Variants in MEI4 observed in about 807,000 individuals in gnomAD.
The protein encoded by MEI4 is meiosis-specific protein MEI4.
MEI4 carries 27 observed loss-of-function variants against 31.4 expected under a neutral mutation model. The observed-to-expected ratio is 0.86, with a 90% CI of 0.63 to 1.19. The LOEUF is 1.19. Ranked by LOEUF, MEI4 falls within the 50% of genes most tolerant of loss-of-function variation. The probability of loss-of-function intolerance (pLI) is 0.00; values close to 1 mark genes in which losing one functional copy is unlikely to be tolerated. For synonymous variants in MEI4, 122 were observed against 145.4 expected, an observed-to-expected ratio of 0.84 and a Z score of 1.16; for missense variants, 329 against 398.9, an observed-to-expected ratio of 0.82 and a Z score of 1.49.
intron 2 of MEI4, among the ~76,000 whole-genome samples, chr6:77,732,490 C>G (rs1286624344): frequency 3.3e-5 from 5 of 152,034 alleles, no homozygotes; most frequent in African/African-American, 1.2e-4. Context: ...TATCCTGAGA[C>G]TTTGCTGAAG....
At chr6:77,898,129 C>T (rs1301066995) in intron 4 of MEI4, among the ~76,000 whole-genome samples, 1 of 152,016 alleles carries the variant, frequency 6.6e-6, no homozygotes, top group East Asian at 1.9e-4. Context: ...CATTGGGCTC[C>T]TAGCTAAGCC....
Position 77,792,735 on chromosome 6 carries a change from C to T in MEI4, c.768+31070C>T, listed in dbSNP as rs529974433. On this transcript the variant is annotated intron_variant, in intron 3 of 4. Coordinates refer to ENST00000684080, the MANE Select transcript of MEI4 (RefSeq NM_001322247.2). ...CAACACTATTTTTTTTTTTTTTAGACGGAGTCTCGCTCTATTGCACAGGCT... is the reference window on the plus strand; with the variant it reads ...CAACACTATTTTTTTTTTTTTTAGATGGAGTCTCGCTCTATTGCACAGGCT... 1.5e-3 allele frequency among the ~76,000 whole-genome samples: 230 copies of T among 148,770 alleles called. 1 individual carries two copies. Among genetic ancestry groups the T allele is most frequent in the African/African-American group, 4.6e-3 (186 of 40,468 alleles).
At chr6:77,716,068 A>G (rs1418350462) in intron 2 of MEI4, among the ~76,000 whole-genome samples, 3 of 152,278 alleles carry the variant, frequency 2.0e-5, no homozygotes, top group East Asian at 3.9e-4. Flanking sequence ...ATTTCTGAGC[A>G]CTCACCTTGT....
At chr6:77,837,150 G>A (rs963344272) in intron 4 of MEI4, among the ~76,000 whole-genome samples, 6 of 152,024 alleles carry the variant, frequency 3.9e-5, no homozygotes, top group African/African-American at 9.7e-5. Flanking sequence ...AGCTGGCAAC[G>A]AAGATAAAAG....
rs530555312 is a variant in MEI4, at chr6:77,769,833, A to G, written c.768+8168A>G. 3.9e-5 allele frequency among the ~76,000 whole-genome samples: 6 copies of G among 152,064 alleles called. No individual in the cohort carries two copies. In the South Asian group the frequency reaches 1.0e-3, roughly 26 times the overall value. Reference sequence around the variant, plus strand: ...TGAATAAACAGCCCTTGGGCCCTGAATAATTAGTATTGGTAGCCAGGCAGT... The same window carrying G: ...TGAATAAACAGCCCTTGGGCCCTGAGTAATTAGTATTGGTAGCCAGGCAGT... On this transcript the variant is annotated intron_variant, in intron 3 of 4. Transcript: ENST00000684080.
intron 2 of MEI4, among the ~76,000 whole-genome samples, chr6:77,692,267 G>A (rs2127652669): frequency 6.6e-6 from 1 of 152,140 alleles, no homozygotes; most frequent in South Asian, 2.1e-4. Flanking sequence ...ACCCCCACTA[G>A]TTATTCCCCA....
chr6:77,883,598 C>A (rs1302961796), intron 4 of MEI4, among the ~76,000 whole-genome samples: 1 of 151,346 alleles, frequency 6.6e-6, no homozygotes, highest in Admixed American at 6.6e-5. Flanking sequence ...ACCTTCAGTT[C>A]CATCTGCAGA....
intron 2 of MEI4, among the ~76,000 whole-genome samples, chr6:77,750,882 C>T (rs752585090): frequency 2.0e-5 from 3 of 152,160 alleles, no homozygotes; most frequent in Non-Finnish European, 4.4e-5. Context: ...TAAAACACTT[C>T]TTAGCAAATG....
At chr6:77,813,183 T>C (rs1374533523) in intron 3 of MEI4, among the ~76,000 whole-genome samples, 1 of 152,124 alleles carries the variant, frequency 6.6e-6, no homozygotes, top group Non-Finnish European at 1.5e-5. Flanking sequence ...TATATTTGTG[T>C]CATTATTGCT....
chr6:77,797,812 A>G (rs1295761399), intron 3 of MEI4, among the ~76,000 whole-genome samples: 2 of 152,134 alleles, frequency 1.3e-5, no homozygotes, highest in African/African-American at 2.4e-5. Context: ...GTGGGTCTTC[A>G]TCTGCCAGTC....
chr6:77,657,887 CT>C (rs1384103833), intron 1 of MEI4, among the ~76,000 whole-genome samples: 32 of 152,318 alleles, frequency 2.1e-4, no homozygotes, highest in African/African-American at 7.7e-4. Context: ...TCAGAAGTCC[CT>C]CCTCCTCCTG....
Position 77,894,159 on chromosome 6 carries a change from T to C in MEI4, c.901-28930T>C, listed in dbSNP as rs529185219. On this transcript the variant is annotated intron_variant, in intron 4 of 4. Coordinates refer to ENST00000684080, the MANE Select transcript of MEI4 (RefSeq NM_001322247.2). Reference sequence around the variant, plus strand: ...TTTATATATTTTTTAACAAAAATTATGTAGAATGTGACAAAGTGTTTGAAA... The same window carrying C: ...TTTATATATTTTTTAACAAAAATTACGTAGAATGTGACAAAGTGTTTGAAA... Among the ~76,000 whole-genome samples the C allele has an allele frequency of 8.5e-4, 129 of 152,300 alleles. 2 individuals carry two copies. Among genetic ancestry groups the C allele is most frequent in the Admixed American group, 2.1e-3 (32 of 15,292 alleles).
chr6:77,768,636 G>A (rs1158553598), intron 3 of MEI4, among the ~76,000 whole-genome samples: 4 of 151,556 alleles, frequency 2.6e-5, no homozygotes, highest in Non-Finnish European at 2.9e-5. Context: ...GGAGGCAGAG[G>A]TTGCAGTGAG....
intron 4 of MEI4, among the ~76,000 whole-genome samples, chr6:77,853,409 A>C (rs7742287): frequency 3.1e-4 from 47 of 152,322 alleles, no homozygotes; most frequent in African/African-American, 1.1e-3. Flanking sequence ...GTTCATTTTA[A>C]TAATAGCAAA....
chr6:77,693,682 T>G (rs1450638925), intron 2 of MEI4, among the ~76,000 whole-genome samples: 1 of 151,912 alleles, frequency 6.6e-6, no homozygotes, highest in Non-Finnish European at 1.5e-5. Context: ...ATGGAGTAAC[T>G]GTTAAAGGGG....
chr6:77,818,013 A>AC (rs1303979933), intron 3 of MEI4, among the ~76,000 whole-genome samples: 1 of 152,216 alleles, frequency 6.6e-6, no homozygotes, highest in African/African-American at 2.4e-5. Context: ...CAGTGTATGC[A>AC]AACCTACCAA....
In MEI4 at chr6:77,707,315, G is replaced by A. The variant is rs910409130; in HGVS notation, c.232+16412G>A. Among the ~76,000 whole-genome samples the A allele has an allele frequency of 3.9e-5, 6 of 152,192 alleles. No homozygotes were observed. In the East Asian group the frequency reaches 9.7e-4, roughly 24 times the overall value. On this transcript the variant is annotated intron_variant, in intron 2 of 4. Transcript: ENST00000684080. Reference sequence around the variant, plus strand: ...GAAGTTTGAGCTTAAGAGTCATAATGTGCAGTATCTGGTAGAAGAAATTTC... The same window carrying A: ...GAAGTTTGAGCTTAAGAGTCATAATATGCAGTATCTGGTAGAAGAAATTTC...
At chr6:77,756,967 TAG>T (rs779084162) in intron 2 of MEI4, among the ~76,000 whole-genome samples, 45 of 152,184 alleles carry the variant, frequency 3.0e-4, no homozygotes, top group Non-Finnish European at 5.6e-4. Flanking sequence ...GGATAACATT[TAG>T]AAATCAATGA....
At position 77,820,638 on chromosome 6, in the gene MEI4, GT is replaced by G. The variant is rs1264779639; in HGVS notation, c.769-8292del. ...TGACTCATATTCATACATTGAAAACGTCTTATTTTCTCTTTGTTCTTGAAGG... is the reference window on the plus strand; with the variant it reads ...TGACTCATATTCATACATTGAAAACGCTTATTTTCTCTTTGTTCTTGAAGG... On this transcript the variant is annotated intron_variant, in intron 3 of 4. Coordinates refer to ENST00000684080, the MANE Select transcript of MEI4 (RefSeq NM_001322247.2). The surrounding 1 kb of genome is among the most constrained non-coding windows in gnomAD (Gnocchi z 4.5). Among the ~76,000 whole-genome samples the G allele has an allele frequency of 4.0e-5, 6 of 151,836 alleles. No homozygotes were observed. The highest frequency in any genetic ancestry group is 1.5e-4 in the African/African-American group (6 of 41,314).
Sources: gnomAD v4.1 joint callset for allele counts (sites outside exome capture counted in the v4.1 genomes callset) on GRCh38, gnomAD v4.1.1 for gene constraint, Gnocchi (gnomAD v3.1) non-coding constraint, MANE v1.5 for transcripts, NCBI Gene and HGNC (gene_info 2026-07-23, HGNC 2026-07-21) for gene names.